The following ABCA13 variants were observed in gnomAD, a reference collection of about 807,000 sequenced individuals.
The protein encoded by ABCA13 is ATP-binding cassette sub-family A member 13.
In ABCA13, 476 loss-of-function variants were observed where a neutral mutation model predicts 478.7. The observed-to-expected ratio is 0.99, with a 90% CI of 0.92 to 1.07. The LOEUF is 1.07. Among genes scored for constraint, ABCA13 ranks in the 50% least tolerant of loss-of-function variants. The pLI is 0.00. For missense variants in ABCA13, 6,060 were observed against 5,910.6 expected (o/e 1.03, Z -0.83); for synonymous variants, 2,252 against 2,158.9 (o/e 1.04, Z -1.20).
At chr7:48,372,977 C>A (rs1224120176) in intron 33 of ABCA13, among the ~76,000 whole-genome samples, 2 of 152,118 alleles carry the variant, frequency 1.3e-5, no homozygotes, top group African/African-American at 4.8e-5. Flanking sequence ...TCTGTAACAT[C>A]AAATACGTAG....
At chr7:48,477,423 A>G (rs1371768182) in intron 45 of ABCA13, among the ~76,000 whole-genome samples, 3 of 152,112 alleles carry the variant, frequency 2.0e-5, no homozygotes, top group African/African-American at 4.8e-5. Context: ...TCATGCTGCT[A>G]TAAAGACACA....
rs1450833333 is a variant in ABCA13, at chr7:48,314,245, T to G, written c.9695T>G (p.Val3232Gly). 1 of 1,611,748 alleles carries G rather than the reference T, an allele frequency of 6.2e-7. No homozygotes were observed. Among genetic ancestry groups the G allele is most frequent in the Non-Finnish European group, 8.5e-7 (1 of 1,179,530 alleles). The change falls in exon 26 of 62, where the codon GTC (valine) becomes GGC (glycine). Residue 3232 changes from valine to glycine, a missense_variant. Val to Gly is a moderately radical substitution (Grantham distance 109, BLOSUM62 -3). This residue lies in a region of ABCA13 where 4,423 missense variants were observed against 4,309.1 expected (regional missense o/e 1.03). Coordinates refer to ENST00000435803, the MANE Select transcript of ABCA13 (RefSeq NM_152701.5). ...TTATTTTCTCAGGTTTCACAAAATG[T>G]CCAGGCCAGAAGTTCAGCTTTTGGT... ...TLDFQQVSQN[V>G]QARSSAFGSF... is the part of the protein sequence containing the mutation.
At chr7:48,250,360 TC>T (rs1792359537) in intron 15 of ABCA13, among the ~76,000 whole-genome samples, 1 of 152,120 alleles carries the variant, frequency 6.6e-6, no homozygotes, top group Non-Finnish European at 1.5e-5. Flanking sequence ...CATCCCTCTC[TC>T]CCCTACCTAG....
chr7:48,249,401 G>T, intron 15 of ABCA13, 50 bp downstream of exon 15: 1 of 1,601,882 alleles, frequency 6.2e-7, no homozygotes, highest in Non-Finnish European at 8.5e-7. Flanking sequence ...TCCCCTTTTA[G>T]TGAGGTGACA....
chr7:48,433,235 A>G (rs1176451035), intron 42 of ABCA13, among the ~76,000 whole-genome samples: 4 of 151,872 alleles, frequency 2.6e-5, no homozygotes, highest in African/African-American at 9.7e-5. Context: ...AGGGGAGGAA[A>G]CTGAGTAGCT....
chr7:48,423,998 C>T (rs966658127), intron 41 of ABCA13, among the ~76,000 whole-genome samples: 1 of 151,294 alleles, frequency 6.6e-6, no homozygotes, highest in African/African-American at 2.4e-5. Flanking sequence ...TTTGAATTGG[C>T]TTATGGCCTA....
intron 20 of ABCA13, among the ~76,000 whole-genome samples, chr7:48,293,023 T>C (rs186043431): frequency 3.2e-4 from 48 of 152,322 alleles, no homozygotes; most frequent in African/African-American, 1.1e-3. Context: ...ATAAAATGAA[T>C]GACAATAATA....
intron 31 of ABCA13, among the ~76,000 whole-genome samples, chr7:48,358,244 G>A (rs1411019735): frequency 8.3e-6 from 1 of 120,298 alleles, no homozygotes; most frequent in African/African-American, 3.3e-5. Flanking sequence ...GGGGAGGGGA[G>A]GGGAGGGGAG....
At chr7:48,555,835 TA>T (rs1409802702) in intron 55 of ABCA13, among the ~76,000 whole-genome samples, 2 of 151,854 alleles carry the variant, frequency 1.3e-5, no homozygotes, top group African/African-American at 4.8e-5. Flanking sequence ...AATCTTTATT[TA>T]TTTTTTACCA....
Position 48,295,900 on chromosome 7 carries a change from T to C in ABCA13, c.9119+37T>C, listed in dbSNP as rs1000215808. On this transcript the variant is annotated intron_variant, in intron 21 of 61. Transcript: ENST00000435803. The stretch of plus-strand genomic sequence containing the variant: ...TATTCTTTCATGCCCTCCCCAGTAC[T>C]TCCATTCATAGAGAGGATGTCTAGG... The C allele has an allele frequency of 2.6e-6, 4 of 1,560,746 alleles. No individual in the cohort carries two copies. In the Admixed American group the frequency reaches 5.7e-5, roughly 22 times the overall value.
At chr7:48,427,255 A>G (rs1043819204) in intron 41 of ABCA13, among the ~76,000 whole-genome samples, 1 of 152,168 alleles carries the variant, frequency 6.6e-6, no homozygotes, top group African/African-American at 2.4e-5. Context: ...TAACCAAGAA[A>G]TGACTTCAAG....
chr7:48,295,465 G>A (rs1408566199), intron 20 of ABCA13, among the ~76,000 whole-genome samples: 1 of 152,234 alleles, frequency 6.6e-6, no homozygotes, highest in Admixed American at 6.5e-5. Context: ...AGAATTGCGT[G>A]TTCTCTGCTG....
At chr7:48,384,996 G>A (rs1585101479) in intron 35 of ABCA13, among the ~76,000 whole-genome samples, 1 of 152,096 alleles carries the variant, frequency 6.6e-6, no homozygotes, top group South Asian at 2.1e-4. Context: ...TTTGAAGACC[G>A]TGTCTCCAAA....
At chr7:48,424,931 C>T (rs1192429784) in intron 41 of ABCA13, among the ~76,000 whole-genome samples, 2 of 152,172 alleles carry the variant, frequency 1.3e-5, no homozygotes, top group African/African-American at 4.8e-5. Context: ...CTCAGAGCCT[C>T]CCGGACAGCC....
At chr7:48,446,861 T>G (rs1473086807) in intron 42 of ABCA13, among the ~76,000 whole-genome samples, 2 of 152,200 alleles carry the variant, frequency 1.3e-5, no homozygotes, top group African/African-American at 4.8e-5. Context: ...CCACATTAGC[T>G]AAAAGCAGCA....
At position 48,241,100 on chromosome 7, in the gene ABCA13, G is replaced by T. The variant is rs750057506; in HGVS notation, c.1262+34G>T. 3 of 1,609,258 alleles carry T rather than the reference G, an allele frequency of 1.9e-6. No homozygotes were observed. In the South Asian group the frequency reaches 3.3e-5, roughly 18 times the overall value. ...CATTTCCCTGTTTGATTATTGATTA[G>T]GTAGATGACACAGAATGTTAAAGAG... On this transcript the variant is annotated intron_variant, in intron 10 of 61. Coordinates refer to ENST00000435803, the MANE Select transcript of ABCA13 (RefSeq NM_152701.5).
intron 45 of ABCA13, among the ~76,000 whole-genome samples, chr7:48,474,358 G>A (rs1214927731): frequency 1.3e-5 from 2 of 152,128 alleles, no homozygotes; most frequent in African/African-American, 4.8e-5. Flanking sequence ...GAAAGAATGG[G>A]CCAGGGAGAG....
intron 41 of ABCA13, among the ~76,000 whole-genome samples, chr7:48,421,678 C>T (rs1023720180): frequency 7.9e-5 from 12 of 152,316 alleles, no homozygotes; most frequent in East Asian, 1.9e-4. Flanking sequence ...CTGCTCAATA[C>T]GCTCATGGTG....
In ABCA13 at chr7:48,272,521, T is replaced by G. The variant is rs1219658901; in HGVS notation, c.2855T>G (p.Val952Gly). The G allele has an allele frequency of 1.2e-6, 2 of 1,613,806 alleles. No homozygotes were observed. Among genetic ancestry groups the G allele is most frequent in the South Asian group, 2.2e-5 (2 of 91,080 alleles). Reference sequence around the variant, plus strand: ...ATTTTGACTCACATACACCTAAATGTCTTCCAGGACAAGGATTCAGCTTTA... The same window carrying G: ...ATTTTGACTCACATACACCTAAATGGCTTCCAGGACAAGGATTCAGCTTTA... The part of the protein sequence containing the change: ...DKILTHIHLN[V>G]FQDKDSALLL... Residue 952 changes from valine (V) to glycine (G), a missense_variant, in exon 17 of 62, where the codon GTC (valine) becomes GGC (glycine). Transcript: ENST00000435803.
Sources: gnomAD v4.1 joint callset for allele counts (sites outside exome capture counted in the v4.1 genomes callset) on GRCh38, gnomAD v4.1.1 for gene constraint, gnomAD v4.1.1 regional missense constraint, MANE v1.5 for transcripts, NCBI Gene and HGNC (gene_info 2026-07-23, HGNC 2026-07-21) for gene names.